Variants in SYNDIG1 observed in about 807,000 individuals in gnomAD.
SYNDIG1 encodes synapse differentiation inducing 1.
A neutral mutation model predicts 19.4 loss-of-function variants in SYNDIG1; 9 were observed. The ratio of observed to expected loss-of-function variants is 0.46; its 90% confidence interval spans 0.28 to 0.81. The LOEUF (loss-of-function observed/expected upper bound fraction) is 0.81, where lower values mean the gene tolerates loss of function less well. Ranked by LOEUF, SYNDIG1 falls within the 30% of genes least tolerant of loss-of-function variation. SYNDIG1 has a pLI of 0.12. For missense variants in SYNDIG1, 311 were observed against 343.3 expected (o/e 0.91, Z 0.74); for synonymous variants, 141 against 145.9 (o/e 0.97, Z 0.24).
chr20:24,662,386 C>T (rs1430606664), intron 3 of SYNDIG1, among the ~76,000 whole-genome samples: 1 of 152,096 alleles, frequency 6.6e-6, no homozygotes, highest in Non-Finnish European at 1.5e-5. Flanking sequence ...TCCAGAACCG[C>T]AGTGCACAAA....
intron 3 of SYNDIG1, among the ~76,000 whole-genome samples, chr20:24,660,916 C>T (rs2059577714): frequency 6.6e-6 from 1 of 152,350 alleles, no homozygotes; most frequent in East Asian, 1.9e-4. Context: ...CAGCCGCTTG[C>T]CTTTCAGAGT....
intron 2 of SYNDIG1, among the ~76,000 whole-genome samples, chr20:24,555,319 A>C (rs1238813795): frequency 6.6e-6 from 1 of 151,788 alleles, no homozygotes; most frequent in Non-Finnish European, 1.5e-5. Flanking sequence ...TTCTGCTCTG[A>C]TTTTAGTTAT....
intron 3 of SYNDIG1, among the ~76,000 whole-genome samples, chr20:24,652,957 C>A (rs1192958253): frequency 6.6e-6 from 1 of 152,158 alleles, no homozygotes; most frequent in Non-Finnish European, 1.5e-5. Context: ...ACCTCTCTAC[C>A]TTCTTAATGG....
intron 2 of SYNDIG1, among the ~76,000 whole-genome samples, chr20:24,547,992 G>A (rs769027200): frequency 3.3e-5 from 5 of 152,128 alleles, no homozygotes; most frequent in African/African-American, 7.2e-5. Flanking sequence ...GGTGCCCATG[G>A]GGGCTGAGCC....
intron 3 of SYNDIG1, among the ~76,000 whole-genome samples, chr20:24,634,574 A>G (rs2147315289): frequency 6.6e-6 from 1 of 152,264 alleles, no homozygotes; most frequent in African/African-American, 2.4e-5. Context: ...AAAATAAAAG[A>G]TATTGTCAGT....
chr20:24,619,896 A>C (rs999858867), intron 3 of SYNDIG1, among the ~76,000 whole-genome samples: 1 of 152,224 alleles, frequency 6.6e-6, no homozygotes, highest in Non-Finnish European at 1.5e-5. Flanking sequence ...AGAGGCTTCC[A>C]AGTTCAGACC....
At chr20:24,600,030 G>A (rs191389755) in intron 3 of SYNDIG1, among the ~76,000 whole-genome samples, 6 of 152,216 alleles carry the variant, frequency 3.9e-5, no homozygotes, top group Non-Finnish European at 8.8e-5. Context: ...AATTTCAGAG[G>A]TATCTCATAA....
intron 3 of SYNDIG1, among the ~76,000 whole-genome samples, chr20:24,661,467 G>T (rs2059592360): frequency 6.8e-6 from 1 of 146,074 alleles, no homozygotes; most frequent in Non-Finnish European, 1.5e-5. Flanking sequence ...AAGTAGGAAG[G>T]AGGGAGGGAA....
chr20:24,559,662 G>A (rs1360765564), intron 2 of SYNDIG1, among the ~76,000 whole-genome samples: 1 of 152,154 alleles, frequency 6.6e-6, no homozygotes, highest in African/African-American at 2.4e-5. Flanking sequence ...AGACAGGTCT[G>A]CTAGGAACAA....
In SYNDIG1 at chr20:24,658,103, G is replaced by A. The variant is rs1354149098; in HGVS notation, c.619-7243G>A. On this transcript the variant is annotated intron_variant, in intron 3 of 3. Coordinates refer to ENST00000376862, the MANE Select transcript of SYNDIG1 (RefSeq NM_024893.3). This position sits in a 1 kb window ranked among gnomAD's most constrained non-coding sequence, Gnocchi z 4.4. ...TTGCCCCTAAAAACTGACTGCAGGA[G>A]AAACAATGCAGCCGGGGTAGACCTC... Among the ~76,000 whole-genome samples the A allele has an allele frequency of 2.0e-5, 3 of 151,994 alleles. No homozygotes were observed. The highest frequency in any genetic ancestry group is 4.4e-5 in the Non-Finnish European group (3 of 67,982).
intron 3 of SYNDIG1, among the ~76,000 whole-genome samples, chr20:24,614,241 TGATC>T (rs1490145079): frequency 6.6e-6 from 1 of 152,188 alleles, no homozygotes; most frequent in Non-Finnish European, 1.5e-5. Flanking sequence ...TGGGCTTAAA[TGATC>T]CTCCCACCTC....
intron 1 of SYNDIG1, among the ~76,000 whole-genome samples, chr20:24,539,726 C>T (rs2057431878): frequency 6.6e-6 from 1 of 151,918 alleles, no homozygotes; most frequent in Non-Finnish European, 1.5e-5. Flanking sequence ...AATGTCTTCC[C>T]ATTTATTTGT....
chr20:24,595,163 C>T (rs2058576850), intron 3 of SYNDIG1, among the ~76,000 whole-genome samples: 1 of 152,012 alleles, frequency 6.6e-6, no homozygotes, highest in Admixed American at 6.5e-5. Flanking sequence ...ATAAATGGCT[C>T]TTATTATTTT....
chr20:24,631,993 G>T (rs1292589624), intron 3 of SYNDIG1, among the ~76,000 whole-genome samples: 2 of 152,162 alleles, frequency 1.3e-5, no homozygotes, highest in African/African-American at 4.8e-5. Flanking sequence ...TCAAAAATGT[G>T]AGCAAAGCAT....
chr20:24,567,548 C>G (rs1319650670), intron 2 of SYNDIG1, among the ~76,000 whole-genome samples: 1 of 152,198 alleles, frequency 6.6e-6, no homozygotes, highest in Admixed American at 6.5e-5. Flanking sequence ...AAGGAGAGCC[C>G]AAAGGGGCTC....
At chr20:24,483,017 G>A (rs1197559922) in intron 1 of SYNDIG1, among the ~76,000 whole-genome samples, 2 of 152,128 alleles carry the variant, frequency 1.3e-5, no homozygotes, top group Non-Finnish European at 2.9e-5. Context: ...TGTTGTTTTT[G>A]CAATTTAAAA....
chr20:24,654,533 A>G (rs900406102), intron 3 of SYNDIG1, among the ~76,000 whole-genome samples: 1 of 151,966 alleles, frequency 6.6e-6, no homozygotes, highest in Non-Finnish European at 1.5e-5. Flanking sequence ...AATGATCCAT[A>G]AAGTGCAACA....
Position 24,584,866 on chromosome 20 carries a change from C to G in SYNDIG1, c.491C>G (p.Ser164Ter). 1.2e-6 allele frequency: 2 copies of G among 1,614,164 alleles called. No homozygotes were observed. The highest frequency in any genetic ancestry group is 1.7e-6 in the Non-Finnish European group (2 of 1,180,026). The change falls in exon 3 of 4, where the codon TCA becomes TGA. Residue 164 changes from serine to a stop codon, truncating the protein, a stop_gained. Transcript: ENST00000376862. LOFTEE classifies it high-confidence loss of function. Reference sequence around the variant, plus strand: ...GGTTCTCTCTTGCAGAGCGACTACTCAAGCGACACAGAGAGTGAGGACAAT... The same window carrying G: ...GGTTCTCTCTTGCAGAGCGACTACTGAAGCGACACAGAGAGTGAGGACAAT... ...EEFQELESDYSSDTESEDNFL... is the reference protein window; with the variant it reads ...EEFQELESDY
chr20:24,578,433 C>A (rs2058265483), intron 2 of SYNDIG1, among the ~76,000 whole-genome samples: 1 of 132,538 alleles, frequency 7.5e-6, no homozygotes, highest in African/African-American at 3.0e-5. Context: ...CAGTGCGAGA[C>A]TCTGTATCAA....
Sources: gnomAD v4.1 joint callset for allele counts (sites outside exome capture counted in the v4.1 genomes callset) on GRCh38, gnomAD v4.1.1 for gene constraint, Gnocchi (gnomAD v3.1) non-coding constraint, MANE v1.5 for transcripts, NCBI Gene and HGNC (gene_info 2026-07-23, HGNC 2026-07-21) for gene names.